The following RYR2 variants were observed in gnomAD, a reference collection of about 807,000 sequenced individuals.
The protein encoded by RYR2 is ryanodine receptor 2.
RYR2 carries 227 observed loss-of-function variants against 601.1 expected under a neutral mutation model. The ratio of observed to expected loss-of-function variants is 0.38; its 90% CI spans 0.34 to 0.42. The LOEUF (loss-of-function observed/expected upper bound fraction) is 0.42. Ranked by LOEUF, RYR2 falls within the 10% of genes least tolerant of loss-of-function variation. The pLI, the probability that RYR2 is intolerant of heterozygous loss-of-function variation, is 1.00. For synonymous variants in RYR2, 2,223 were observed against 2,175.1 expected, an observed-to-expected ratio of 1.02 and a Z score of -0.61; for missense variants, 4,646 against 6,156.5, an observed-to-expected ratio of 0.75 and a Z score of 8.21.
intron 1 of RYR2, among the ~76,000 whole-genome samples, chr1:237,192,685 C>G (rs268786): frequency 6.6e-6 from 1 of 152,204 alleles, no homozygotes; most frequent in South Asian, 2.1e-4. Context: ...CTTAAAATTC[C>G]AGAAAGGAAG....
At chr1:237,381,894 A>G (rs1280760409) in intron 8 of RYR2, among the ~76,000 whole-genome samples, 2 of 152,236 alleles carry the variant, frequency 1.3e-5, no homozygotes, top group African/African-American at 4.8e-5. Flanking sequence ...CTTTTCAAAA[A>G]TATCCAAAAG....
intron 2 of RYR2, among the ~76,000 whole-genome samples, chr1:237,321,957 A>G (rs1031574764): frequency 6.6e-6 from 1 of 152,226 alleles, no homozygotes; most frequent in Non-Finnish European, 1.5e-5. Context: ...AGTGGACTAT[A>G]GGGCAGGCTG....
At chr1:237,780,311 A>C (rs767370085) in intron 88 of RYR2, among the ~76,000 whole-genome samples, 2 of 152,160 alleles carry the variant, frequency 1.3e-5, no homozygotes, top group African/African-American at 2.4e-5. Flanking sequence ...TTGGTAAGTA[A>C]AGGAAACCAA....
At chr1:237,702,345 G>A (rs1039693429) in intron 66 of RYR2, among the ~76,000 whole-genome samples, 1 of 152,074 alleles carries the variant, frequency 6.6e-6, no homozygotes, top group African/African-American at 2.4e-5. Context: ...TGCTAGTATC[G>A]TTTCTCATTA....
Position 237,366,322 on chromosome 1 carries a change from C to A in RYR2, c.309+1950C>A, listed in dbSNP as rs143059857. On this transcript the variant is annotated intron_variant, in intron 5 of 104. Coordinates refer to ENST00000366574, the MANE Select transcript of RYR2 (RefSeq NM_001035.3). ...CTTGACAATGTTAAACTGGCCTTTG[C>A]AGGCACCTTTATCTTCAACTGAGGC... 3.1e-3 allele frequency among the ~76,000 whole-genome samples: 476 copies of A among 152,304 alleles called. 1 individual carries two copies. The highest frequency in any genetic ancestry group is 0.01 in the Middle Eastern group (3 of 294).
At chr1:237,480,659 A>G (rs1158174656) in intron 17 of RYR2, among the ~76,000 whole-genome samples, 1 of 152,154 alleles carries the variant, frequency 6.6e-6, no homozygotes, top group Non-Finnish European at 1.5e-5. Context: ...TTAAGGCTGC[A>G]TAGTACATTA....
intron 48 of RYR2, among the ~76,000 whole-genome samples, chr1:237,644,373 C>T (rs528351984): frequency 6.6e-6 from 1 of 152,200 alleles, no homozygotes; most frequent in African/African-American, 2.4e-5. Flanking sequence ...GCAGGGACTA[C>T]AGGCATGTGT....
At position 237,593,550 on chromosome 1, in the gene RYR2, C is replaced by T; in HGVS notation, c.4350C>T (p.Phe1450=). ...NVWVGWITSD[F]HQYDTGFDLD... ...GGGTGGGCTGGATTACATCAGATTT[C>T]CATCAGTATGACACAGGCTTTGACT... Residue 1450 remains phenylalanine, a synonymous_variant, in exon 33 of 105, where the codon TTC becomes TTT. Coordinates refer to ENST00000366574, the MANE Select transcript of RYR2 (RefSeq NM_001035.3). The T allele has an allele frequency of 6.2e-7, 1 of 1,613,880 alleles. No individual in the cohort carries two copies. Among genetic ancestry groups the T allele is most frequent in the Non-Finnish European group, 8.5e-7 (1 of 1,179,832 alleles).
At chr1:237,552,433 T>C (rs185572657) in intron 27 of RYR2, among the ~76,000 whole-genome samples, 115 of 152,236 alleles carry the variant, frequency 7.6e-4, no homozygotes, top group Non-Finnish European at 1.4e-3. Flanking sequence ...AATGTACACA[T>C]CTGAAGTGTT....
chr1:237,406,186 TCC>T (rs1282406353), intron 10 of RYR2, among the ~76,000 whole-genome samples: 2 of 38,654 alleles, frequency 5.2e-5, no homozygotes, highest in African/African-American at 2.3e-4. Context: ...TCCCCTCCCC[TCC>T]CCTTCCCTTC....
At chr1:237,235,580 CT>C (rs1441149640) in intron 1 of RYR2, among the ~76,000 whole-genome samples, 1 of 152,146 alleles carries the variant, frequency 6.6e-6, no homozygotes, top group Non-Finnish European at 1.5e-5. Flanking sequence ...GAGTGAACTG[CT>C]TTTTGTCTGG....
At chr1:237,622,812 A>G (rs1679211262) in intron 38 of RYR2, among the ~76,000 whole-genome samples, 1 of 152,206 alleles carries the variant, frequency 6.6e-6, no homozygotes, top group African/African-American at 2.4e-5. Flanking sequence ...CATTTCATAT[A>G]GAAGACTTGA....
intron 3 of RYR2, among the ~76,000 whole-genome samples, chr1:237,334,366 C>G (rs1697047601): frequency 6.6e-6 from 1 of 151,510 alleles, no homozygotes; most frequent in African/African-American, 2.4e-5. Context: ...TAAAATAACT[C>G]ATATTTTTGT....
chr1:237,377,920 T>C (rs1296169628), intron 8 of RYR2, among the ~76,000 whole-genome samples: 2 of 152,210 alleles, frequency 1.3e-5, no homozygotes, highest in Non-Finnish European at 2.9e-5. Flanking sequence ...ACTGCATTGT[T>C]TCAAAGAGTA....
At position 237,764,899 on chromosome 1, in the gene RYR2, TC is replaced by T. The variant is rs369104640; in HGVS notation, c.11476+3872del. On this transcript the variant is annotated intron_variant, in intron 84 of 104. Transcript: ENST00000366574. ...GAGATGCCATGAGGAACTGTGTGTTTCTTTGAGGTTTGTATCTACAGCTTTC... is the reference window on the plus strand; with the variant it reads ...GAGATGCCATGAGGAACTGTGTGTTTTTTGAGGTTTGTATCTACAGCTTTC... Among the ~76,000 whole-genome samples, 951 of 152,290 alleles carry T rather than the reference TC, an allele frequency of 6.2e-3. 10 individuals are homozygous for T. The highest frequency in any genetic ancestry group is 9.2e-3 in the Non-Finnish European group (628 of 68,030).
intron 17 of RYR2, among the ~76,000 whole-genome samples, chr1:237,488,534 G>T (rs1662953665): frequency 6.6e-6 from 1 of 152,128 alleles, no homozygotes; most frequent in African/African-American, 2.4e-5. Context: ...AGGCCTTTGA[G>T]CCCAAAGGCT....
At chr1:237,141,027 A>T (rs551810321) in intron 1 of RYR2, among the ~76,000 whole-genome samples, 1 of 152,234 alleles carries the variant, frequency 6.6e-6, no homozygotes, top group East Asian at 1.9e-4. Context: ...AATTTTTCTC[A>T]TAGAAAATCA....
chr1:237,783,555 G>A, intron 89 of RYR2, 120 bp from the exon 90 acceptor site: 3 of 631,514 alleles, frequency 4.8e-6, no homozygotes, highest in Non-Finnish European at 8.3e-6. Context: ...TTTATAGAGT[G>A]AGAGATAAAC....
chr1:237,271,871 C>G (rs1689715909), intron 2 of RYR2, among the ~76,000 whole-genome samples: 1 of 152,172 alleles, frequency 6.6e-6, no homozygotes, highest in South Asian at 2.1e-4. Flanking sequence ...TGTCTCATGC[C>G]TGTAGTCCCA....
Sources: gnomAD v4.1 joint callset for allele counts (sites outside exome capture counted in the v4.1 genomes callset) on GRCh38, gnomAD v4.1.1 for gene constraint, MANE v1.5 for transcripts, NCBI Gene and HGNC (gene_info 2026-07-23, HGNC 2026-07-21) for gene names.